SCN7A: variants seen among roughly 807,000 people sequenced by gnomAD.
The protein encoded by SCN7A is sodium voltage-gated channel alpha subunit 7.
Under a neutral mutation model 155.2 loss-of-function variants are expected in SCN7A, and 138 were observed. The ratio of observed to expected loss-of-function variants is 0.89; its 90% CI spans 0.77 to 1.02. The LOEUF (loss-of-function observed/expected upper bound fraction) is 1.02, where lower values mean the gene tolerates loss of function less well. SCN7A is among the 50% of genes least tolerant of loss of function. The probability of loss-of-function intolerance (pLI) is 0.00; values close to 1 mark genes in which losing one functional copy is unlikely to be tolerated. For missense variants in SCN7A, 2,058 were observed against 1,986.6 expected (o/e 1.04, Z -0.68); for synonymous variants, 693 against 649.0 (o/e 1.07, Z -1.03).
At chr2:166,480,144 T>C (rs368212507) in intron 2 of SCN7A, among the ~76,000 whole-genome samples, 3 of 152,274 alleles carry the variant, frequency 2.0e-5, no homozygotes, top group East Asian at 1.9e-4. Context: ...TTCTCTTACA[T>C]ATGAAATTTT....
intron 16 of SCN7A, among the ~76,000 whole-genome samples, chr2:166,430,772 G>A (rs1701716971): frequency 6.6e-6 from 1 of 151,758 alleles, no homozygotes; most frequent in Non-Finnish European, 1.5e-5. Flanking sequence ...AATAAAAATA[G>A]GCTGGAAGTA....
At chr2:166,409,609 G>C in intron 25 of SCN7A, 56 bp downstream of exon 25, 2 of 1,260,564 alleles carry the variant, frequency 1.6e-6, no homozygotes, top group Non-Finnish European at 1.1e-6. Context: ...TTTACTGTAA[G>C]AGCTTACTTG....
intron 1 of SCN7A, among the ~76,000 whole-genome samples, chr2:166,489,140 G>T (rs1409745545): frequency 6.6e-6 from 1 of 152,128 alleles, no homozygotes; most frequent in Non-Finnish European, 1.5e-5. Flanking sequence ...GGAATACCTA[G>T]TTAGTTACAA....
chr2:166,456,923 G>T lies in SCN7A; in HGVS notation c.1237C>A (p.Pro413Thr). ...RVGEISKKIE[P>T]KFQQTGKELQ... ...TCTTTTCCAGTCTGTTGAAATTTTGGTTCAATCTTCTTAGATATTTCACCA... is the reference window on the plus strand; with the variant it reads ...TCTTTTCCAGTCTGTTGAAATTTTGTTTCAATCTTCTTAGATATTTCACCA... The change falls in exon 11 of 26, where the codon CCA becomes ACA. Residue 413 changes from proline to threonine, a missense_variant. Coordinates refer to ENST00000643258, the MANE Select transcript of SCN7A (RefSeq NM_002976.4). 6.4e-7 allele frequency: 1 copy of T among 1,561,700 alleles called. No individual in the cohort carries two copies. Among genetic ancestry groups the T allele is most frequent in the East Asian group, 2.4e-5 (1 of 42,128 alleles).
chr2:166,486,761 G>A (rs1198942446), intron 2 of SCN7A, 95 bp downstream of exon 2: 1 of 152,218 alleles, frequency 6.6e-6, no homozygotes, highest in Non-Finnish European at 1.5e-5. Context: ...TATAAAGCAA[G>A]CAGACACATC....
chr2:166,435,157 G>T (rs1701811611), intron 15 of SCN7A, among the ~76,000 whole-genome samples: 1 of 151,992 alleles, frequency 6.6e-6, no homozygotes, highest in Admixed American at 6.6e-5. Context: ...TATAAGATAA[G>T]AATTTTATAA....
At position 166,438,076 on chromosome 2, in the gene SCN7A, T is replaced by C. The variant is rs149339914; in HGVS notation, c.2157+3320A>G. The stretch of plus-strand genomic sequence containing the variant: ...AGGGCCAGGGGTGGAATGATATTGC[T>C]TGGCTGTGTCTCCACCCAAATCTCA... On this transcript the variant is annotated intron_variant, in intron 15 of 25. Transcript: ENST00000643258. Among the ~76,000 whole-genome samples, 789 of 152,260 alleles carry C rather than the reference T, an allele frequency of 5.2e-3. 43 individuals are homozygous for C. The East Asian group carries it at 0.12, about 23-fold the overall frequency.
At chr2:166,475,975 G>A (rs1447926329) in intron 3 of SCN7A, among the ~76,000 whole-genome samples, 1 of 151,856 alleles carries the variant, frequency 6.6e-6, no homozygotes, top group East Asian at 1.9e-4. Flanking sequence ...AGCCATGTCT[G>A]TACATGCAGC....
At chr2:166,452,489 C>T (rs1293204640) in intron 11 of SCN7A, among the ~76,000 whole-genome samples, 1 of 152,048 alleles carries the variant, frequency 6.6e-6, no homozygotes, top group African/African-American at 2.4e-5. Flanking sequence ...TGAAGATAGA[C>T]ACTCTATTTG....
In SCN7A at chr2:166,485,112, T is replaced by C. The variant is rs573417131; in HGVS notation, c.-15+1744A>G. On this transcript the variant is annotated intron_variant, in intron 2 of 25. Coordinates refer to ENST00000643258, the MANE Select transcript of SCN7A (RefSeq NM_002976.4). ...CAATGACTGAGTGACAAAAACATTG[T>C]GCTGAGTGAAAGAAGTCTGACATGA... 3.3e-5 allele frequency among the ~76,000 whole-genome samples: 5 copies of C among 152,214 alleles called. No individual in the cohort carries two copies. In the East Asian group the frequency reaches 9.7e-4, roughly 29 times the overall value.
chr2:166,450,157 C>T (rs1216422419), intron 11 of SCN7A, among the ~76,000 whole-genome samples: 2 of 152,196 alleles, frequency 1.3e-5, no homozygotes, highest in East Asian at 3.9e-4. Context: ...TCCTTTGCAG[C>T]TTGATGAACA....
chr2:166,443,625 G>C lies in SCN7A; in HGVS notation c.1678C>G (p.His560Asp). Residue 560 changes from histidine (H) to aspartate (D), a missense_variant, in exon 14 of 26, where the codon CAT becomes GAT. Coordinates refer to ENST00000643258, the MANE Select transcript of SCN7A (RefSeq NM_002976.4). ...AEMIFKIIAM[H>D]PYGYFQVGWN... is the part of the protein sequence containing the mutation. Reference sequence around the variant, plus strand: ...CCTACTTGGAAATACCCATATGGATGCATTGCAATTATTTTAAAAATCATT... The same window carrying C: ...CCTACTTGGAAATACCCATATGGATCCATTGCAATTATTTTAAAAATCATT... 1 of 1,566,488 alleles carries C rather than the reference G, an allele frequency of 6.4e-7. No individual in the cohort carries two copies. The highest frequency in any genetic ancestry group is 1.2e-5 in the South Asian group (1 of 84,288).
intron 15 of SCN7A, among the ~76,000 whole-genome samples, chr2:166,439,055 G>GTATGTATATATATATA (rs1553516974): frequency 1.8e-5 from 2 of 113,412 alleles, no homozygotes; most frequent in African/African-American, 7.5e-5. Context: ...GTGTGTGTGT[G>GTATGTATATATATATA]TATATATATA....
intron 21 of SCN7A, among the ~76,000 whole-genome samples, chr2:166,414,254 AG>A (rs1701297273): frequency 4.7e-5 from 4 of 85,654 alleles, no homozygotes; most frequent in African/African-American, 1.0e-4. Context: ...AAATATATAT[AG>A]ATATATATAC....
intron 20 of SCN7A, among the ~76,000 whole-genome samples, chr2:166,417,289 T>C (rs1701400488): frequency 6.6e-6 from 1 of 152,042 alleles, no homozygotes; most frequent in African/African-American, 2.4e-5. Context: ...CTGGCTAACA[T>C]GGTGAAACCC....
intron 13 of SCN7A, among the ~76,000 whole-genome samples, chr2:166,444,234 T>C (rs1378055555): frequency 6.6e-6 from 1 of 152,220 alleles, no homozygotes; most frequent in Non-Finnish European, 1.5e-5. Context: ...ATTTTTAAAC[T>C]CACAGGAATA....
At chr2:166,445,864 T>C (rs560623158) in intron 12 of SCN7A, among the ~76,000 whole-genome samples, 1 of 152,244 alleles carries the variant, frequency 6.6e-6, no homozygotes, top group South Asian at 2.1e-4. Context: ...TTCCACCATA[T>C]ACAAAAACTA....
chr2:166,430,489 C>T (rs2105409122), intron 16 of SCN7A, among the ~76,000 whole-genome samples: 1 of 151,760 alleles, frequency 6.6e-6, no homozygotes, highest in East Asian at 1.9e-4. Context: ...TAAAATTATA[C>T]ATCATAAATT....
At chr2:166,444,661 T>C (rs940026581) in intron 13 of SCN7A, 101 bp downstream of exon 13, 1 of 682,678 alleles carries the variant, frequency 1.5e-6, no homozygotes, top group Non-Finnish European at 2.5e-6. Flanking sequence ...TGCAACATAT[T>C]GGAGTTACAG....
Sources: allele counts gnomAD v4.1 joint callset (sites outside exome capture counted in the v4.1 genomes callset), GRCh38; gene constraint gnomAD v4.1.1; transcripts MANE v1.5; gene names NCBI Gene and HGNC (gene_info 2026-07-23, HGNC 2026-07-21).